PCDH9: variants seen among roughly 807,000 people sequenced by gnomAD.
PCDH9 encodes the protein protocadherin 9.
PCDH9 carries 24 observed loss-of-function variants against 70.6 expected under a neutral mutation model. The ratio of observed to expected loss-of-function variants is 0.34; its 90% confidence interval spans 0.25 to 0.48. The LOEUF is 0.48. Among genes scored for constraint, PCDH9 ranks in the 20% least tolerant of loss-of-function variants. PCDH9 has a pLI of 0.99. For synonymous variants in PCDH9, 562 were observed against 558.5 expected (o/e 1.01, Z -0.09); for missense variants, 1,281 against 1,503.6 (o/e 0.85, Z 2.45).
intron 2 of PCDH9, among the ~76,000 whole-genome samples, chr13:66,917,048 G>A (rs1198990891): frequency 6.6e-6 from 1 of 151,458 alleles, no homozygotes; most frequent in Non-Finnish European, 1.5e-5. Context: ...AATAAAGTCT[G>A]TTCCTACTTT....
chr13:66,910,195 G>A (rs2082436628), intron 2 of PCDH9, among the ~76,000 whole-genome samples: 1 of 152,160 alleles, frequency 6.6e-6, no homozygotes, highest in Admixed American at 6.6e-5. Context: ...CAGGTTTGCA[G>A]AGGGTCCAGC....
At chr13:66,356,535 C>T (rs546832527) in intron 4 of PCDH9, among the ~76,000 whole-genome samples, 3 of 151,748 alleles carry the variant, frequency 2.0e-5, no homozygotes, top group East Asian at 1.9e-4. Context: ...TTTTCTTTGT[C>T]GGTGTTTTTC....
chr13:66,586,692 A>G (rs534957545), intron 4 of PCDH9, among the ~76,000 whole-genome samples: 167 of 152,290 alleles, frequency 1.1e-3, no homozygotes, highest in African/African-American at 3.9e-3. Context: ...GGTGAAATAT[A>G]TTTCACCACT....
intron 2 of PCDH9, chr13:67,207,979 T>C (rs2089390419): frequency 6.6e-6 from 1 of 152,180 alleles, no homozygotes; most frequent in African/African-American, 2.4e-5. Flanking sequence ...TCTATACCAG[T>C]TTATTAATCT....
chr13:66,323,985 C>T (rs1593798496), intron 4 of PCDH9, among the ~76,000 whole-genome samples: 1 of 152,206 alleles, frequency 6.6e-6, no homozygotes. Flanking sequence ...ATTGAAGTTG[C>T]ATCACTAAAA....
chr13:66,801,319 G>A (rs2080322783), intron 3 of PCDH9, among the ~76,000 whole-genome samples: 1 of 151,964 alleles, frequency 6.6e-6, no homozygotes. Context: ...TAGAAAATAA[G>A]GTTACCTTAA....
intron 4 of PCDH9, among the ~76,000 whole-genome samples, chr13:66,491,829 T>C (rs755036946): frequency 6.6e-6 from 1 of 152,194 alleles, no homozygotes; most frequent in Non-Finnish European, 1.5e-5. Context: ...CCTTTAGACA[T>C]ATGTTCTATT....
At chr13:67,057,754 C>T (rs951640845) in intron 2 of PCDH9, among the ~76,000 whole-genome samples, 19 of 151,952 alleles carry the variant, frequency 1.3e-4, no homozygotes, top group Non-Finnish European at 1.9e-4. Flanking sequence ...AGACATGATA[C>T]TTAGCTTTTA....
intron 3 of PCDH9, among the ~76,000 whole-genome samples, chr13:66,709,004 A>G (rs781277521): frequency 1.3e-5 from 2 of 152,198 alleles, no homozygotes; most frequent in Non-Finnish European, 2.9e-5. Flanking sequence ...CCCTCAGTTC[A>G]GGGACAAGAT....
chr13:66,335,560 T>A (rs1186655945), intron 4 of PCDH9, among the ~76,000 whole-genome samples: 1 of 152,138 alleles, frequency 6.6e-6, no homozygotes, highest in Non-Finnish European at 1.5e-5. Flanking sequence ...GAGGTAGGTC[T>A]TTTTATTCTT....
At chr13:66,752,288 T>A (rs945877992) in intron 3 of PCDH9, among the ~76,000 whole-genome samples, 15 of 152,204 alleles carry the variant, frequency 9.9e-5, no homozygotes, top group African/African-American at 3.6e-4. Flanking sequence ...TTTTTAAAAT[T>A]GCAAATGAAA....
At chr13:66,363,809 C>T (rs766693394) in intron 4 of PCDH9, among the ~76,000 whole-genome samples, 1 of 152,108 alleles carries the variant, frequency 6.6e-6, no homozygotes, top group African/African-American at 2.4e-5. Context: ...TACATGAACA[C>T]ACATTGAGAC....
At chr13:66,615,323 T>C (rs1199660916) in intron 4 of PCDH9, among the ~76,000 whole-genome samples, 2 of 152,214 alleles carry the variant, frequency 1.3e-5, no homozygotes, top group Non-Finnish European at 1.5e-5. Context: ...GGTTATATTT[T>C]TGTGAATAAT....
intron 2 of PCDH9, among the ~76,000 whole-genome samples, chr13:67,043,314 G>C (rs2085158768): frequency 6.6e-6 from 1 of 152,134 alleles, no homozygotes. Context: ...TGTAAAGAGT[G>C]ATTGTGGCAT....
intron 2 of PCDH9, among the ~76,000 whole-genome samples, chr13:66,982,703 T>C (rs1218212370): frequency 6.6e-6 from 1 of 152,176 alleles, no homozygotes; most frequent in East Asian, 1.9e-4. Context: ...CCTGAAACCC[T>C]ACCTTGTAAA....
At chr13:66,717,418 C>A (rs1004817859) in intron 3 of PCDH9, among the ~76,000 whole-genome samples, 4 of 125,550 alleles carry the variant, frequency 3.2e-5, no homozygotes, top group Admixed American at 2.9e-4. Context: ...CACCACTGCA[C>A]TCCAGCCTGG....
At chr13:67,078,822 A>G (rs1462303174) in intron 2 of PCDH9, among the ~76,000 whole-genome samples, 1 of 152,188 alleles carries the variant, frequency 6.6e-6, no homozygotes, top group Non-Finnish European at 1.5e-5. Flanking sequence ...TTCTTTAAAT[A>G]AAGTAATATT....
At chr13:66,908,202 C>T (rs1008203019) in intron 2 of PCDH9, among the ~76,000 whole-genome samples, 3 of 152,172 alleles carry the variant, frequency 2.0e-5, no homozygotes, top group Non-Finnish European at 2.9e-5. Context: ...ATGGTTTTCA[C>T]GTTACTAATG....
chr13:66,931,843 C>T (rs902638245), intron 2 of PCDH9, among the ~76,000 whole-genome samples: 12 of 151,944 alleles, frequency 7.9e-5, no homozygotes, highest in South Asian at 4.2e-4. Context: ...CAATCAGCAC[C>T]CCCCGACACC....
Sources: allele counts gnomAD v4.1 joint callset (sites outside exome capture counted in the v4.1 genomes callset), GRCh38; gene constraint gnomAD v4.1.1; transcripts MANE v1.5; gene names NCBI Gene and HGNC (gene_info 2026-07-23, HGNC 2026-07-21).